The following DPP6 variants were observed in gnomAD, a reference collection of about 807,000 sequenced individuals.
The protein encoded by DPP6 is A-type potassium channel modulatory protein DPP6.
Under a neutral mutation model 122.6 loss-of-function variants are expected in DPP6, and 69 were observed. That is an observed-to-expected ratio of 0.56 (90% CI 0.46 to 0.69). The LOEUF (loss-of-function observed/expected upper bound fraction) is 0.69. Among genes scored for constraint, DPP6 ranks in the 30% least tolerant of loss-of-function variants. The pLI is 0.00. For missense variants in DPP6, 928 were observed against 1,116.9 expected, an observed-to-expected ratio of 0.83 and a Z score of 2.41; for synonymous variants, 418 against 433.1, an observed-to-expected ratio of 0.97 and a Z score of 0.43.
intron 6 of DPP6, among the ~76,000 whole-genome samples, chr7:154,655,175 G>A (rs748299755): frequency 2.0e-5 from 3 of 152,108 alleles, no homozygotes; most frequent in South Asian, 2.1e-4. Context: ...GTGATAAAAC[G>A]TTAGGATCCA....
intron 5 of DPP6, among the ~76,000 whole-genome samples, chr7:154,611,708 A>G (rs76252814): frequency 6.6e-6 from 1 of 152,296 alleles, no homozygotes; most frequent in East Asian, 1.9e-4. Flanking sequence ...CTCACATGCA[A>G]TTTTAAGAAA....
intron 3 of DPP6, among the ~76,000 whole-genome samples, chr7:154,476,336 T>A (rs932724446): frequency 2.0e-5 from 3 of 152,168 alleles, no homozygotes; most frequent in African/African-American, 7.2e-5. Context: ...GTCTTTTTGT[T>A]TGGTGGAGGA....
chr7:153,805,908 G>A, the DPP6 span, among the ~76,000 whole-genome samples: 1 of 151,804 alleles, frequency 6.6e-6, no homozygotes, highest in African/African-American at 2.4e-5. Flanking sequence ...TGTAAATGAC[G>A]AGTTACTGGG....
the DPP6 span, among the ~76,000 whole-genome samples, chr7:153,760,755 C>T: frequency 3.9e-5 from 6 of 152,082 alleles, no homozygotes; most frequent in East Asian, 1.9e-4. Flanking sequence ...TATCTGAGCA[C>T]GTACTATTTT....
In DPP6 at chr7:154,007,957, G is replaced by A. The variant is rs189718951; in HGVS notation, c.51+120223G>A. On this transcript the variant is annotated intron_variant, in intron 1 of 25. Transcript: ENST00000404039. ...GGCCTGAACTGAGGCATACCATGCC[G>A]TGAGGCTCAGCGAGATGCAACGGAG... 1.1e-4 allele frequency among the ~76,000 whole-genome samples: 17 copies of A among 152,344 alleles called. No individual in the cohort carries two copies. In the East Asian group the frequency reaches 1.7e-3, roughly 16 times the overall value.
intron 8 of DPP6, among the ~76,000 whole-genome samples, chr7:154,745,158 T>C (rs188739833): frequency 6.6e-6 from 1 of 152,280 alleles, no homozygotes; most frequent in Non-Finnish European, 1.5e-5. Flanking sequence ...GGAGCAGGAA[T>C]CAGGAGACTC....
At chr7:153,915,374 A>G (rs1800262974) in intron 1 of DPP6, among the ~76,000 whole-genome samples, 1 of 152,098 alleles carries the variant, frequency 6.6e-6, no homozygotes, top group African/African-American at 2.4e-5. Context: ...TTGCCTCTGG[A>G]TCATGGTGCA....
intron 7 of DPP6, among the ~76,000 whole-genome samples, chr7:154,698,246 T>C (rs1204869924): frequency 6.6e-6 from 1 of 152,346 alleles, no homozygotes; most frequent in East Asian, 1.9e-4. Flanking sequence ...TTTCATTGAG[T>C]CGATCTACCA....
At chr7:154,378,861 T>A (rs968035370) in intron 1 of DPP6, among the ~76,000 whole-genome samples, 7 of 151,730 alleles carry the variant, frequency 4.6e-5, no homozygotes, top group African/African-American at 1.5e-4. Flanking sequence ...AGAGAGCGAG[T>A]GAGGGGAAAC....
chr7:154,064,379 C>T (rs1802535085), intron 1 of DPP6, among the ~76,000 whole-genome samples: 1 of 152,182 alleles, frequency 6.6e-6, no homozygotes, highest in Non-Finnish European at 1.5e-5. Context: ...CCCATGCCTT[C>T]CCACCTCTGG....
At chr7:153,854,253 G>A in the DPP6 span, among the ~76,000 whole-genome samples, 1 of 151,968 alleles carries the variant, frequency 6.6e-6, no homozygotes, top group African/African-American at 2.4e-5. Flanking sequence ...CTGTAGCCTT[G>A]TAGTATAGTT....
chr7:154,186,768 T>C (rs182200042), intron 1 of DPP6, among the ~76,000 whole-genome samples: 1 of 152,378 alleles, frequency 6.6e-6, no homozygotes, highest in East Asian at 1.9e-4. Context: ...TACTCGGTTG[T>C]CTCAATTCTG....
chr7:153,924,965 C>T (rs1020849571), intron 1 of DPP6, among the ~76,000 whole-genome samples: 1 of 152,138 alleles, frequency 6.6e-6, no homozygotes, highest in African/African-American at 2.4e-5. Flanking sequence ...GTGTCAGTGT[C>T]ACCTACCTAG....
rs578084081 is a variant in DPP6, at chr7:154,872,191, C to T, written c.1814-433C>T. 3.3e-5 allele frequency among the ~76,000 whole-genome samples: 5 copies of T among 152,308 alleles called. No homozygotes were observed. The South Asian group carries it at 1.0e-3, about 32-fold the overall frequency. On this transcript the variant is annotated intron_variant, in intron 18 of 25. Transcript: ENST00000377770. ...CTAGGCGGCCCCCTGTCTCCCCTGA[C>T]CCTCTATCTCTTCCTCTCCCTGCCT... is the stretch of plus-strand genomic sequence containing the variant.
the DPP6 span, among the ~76,000 whole-genome samples, chr7:153,834,092 G>T: frequency 2.0e-5 from 3 of 152,166 alleles, no homozygotes; most frequent in East Asian, 5.8e-4. Flanking sequence ...TTCAAGACCA[G>T]TGTGGACAAC....
intron 1 of DPP6, among the ~76,000 whole-genome samples, chr7:154,436,286 C>A (rs770486169): frequency 1.3e-5 from 2 of 151,400 alleles, no homozygotes; most frequent in African/African-American, 2.4e-5. Context: ...AGGTTACAAC[C>A]GCTCCATTGC....
At chr7:154,473,571 G>A (rs189056060) in intron 2 of DPP6, among the ~76,000 whole-genome samples, 3 of 152,266 alleles carry the variant, frequency 2.0e-5, no homozygotes, top group East Asian at 1.9e-4. Flanking sequence ...CAAAAGTGAC[G>A]TAATAAAACC....
At chr7:154,414,419 T>C (rs1816854561) in intron 1 of DPP6, among the ~76,000 whole-genome samples, 1 of 152,220 alleles carries the variant, frequency 6.6e-6, no homozygotes, top group Non-Finnish European at 1.5e-5. Flanking sequence ...ACCTTTATAA[T>C]CCTTTTAGTG....
intron 1 of DPP6, among the ~76,000 whole-genome samples, chr7:154,196,933 T>G (rs537887928): frequency 6.6e-6 from 1 of 152,054 alleles, no homozygotes; most frequent in Non-Finnish European, 1.5e-5. Context: ...CTCCATGACT[T>G]TGCACCCTGA....
Sources: allele counts gnomAD v4.1 joint callset (sites outside exome capture counted in the v4.1 genomes callset), GRCh38; gene constraint gnomAD v4.1.1; transcripts MANE v1.5; gene names NCBI Gene and HGNC (gene_info 2026-07-23, HGNC 2026-07-21).